CASK: variants seen among roughly 807,000 people sequenced by gnomAD.
The protein encoded by CASK is calcium/calmodulin dependent serine protein kinase, also known as peripheral plasma membrane protein CASK.
A neutral mutation model predicts 82.9 loss-of-function variants in CASK; 4 were observed. That is an observed-to-expected ratio of 0.05 (90% CI 0.02 to 0.11). CASK has a LOEUF of 0.11. Ranked by LOEUF, CASK falls within the 10% of genes least tolerant of loss-of-function variation. The pLI is 1.00. For missense variants in CASK, 358 were observed against 720.9 expected, an observed-to-expected ratio of 0.50 and a Z score of 5.76; for synonymous variants, 259 against 253.5, an observed-to-expected ratio of 1.02 and a Z score of -0.20.
At chrX:41,911,786 G>A (rs2072572215) in intron 1 of CASK, among the ~76,000 whole-genome samples, 2 of 111,427 alleles carry the variant, frequency 1.8e-5, no homozygotes, top group East Asian at 2.8e-4. Context: ...ACAACACTAC[G>A]GAATTATAAT....
At chrX:41,538,779 G>A (rs1238901702) in intron 22 of CASK, among the ~76,000 whole-genome samples, 1 of 111,755 alleles carries the variant, frequency 8.9e-6, no homozygotes, top group Non-Finnish European at 1.9e-5. Context: ...ACACTATCAA[G>A]ATCTTCAAAT....
rs755880981 is a variant in CASK at position 41,754,948 on chromosome X, G to A, written c.279-9347C>T. On this transcript the variant is annotated intron_variant, in intron 3 of 26. Transcript: ENST00000378163. Reference sequence around the variant, plus strand: ...GGCAGGAGTGCAGTGGTGCCATCTCGGCTCACTGCAACCTCCACCTCCCGC... The same window carrying A: ...GGCAGGAGTGCAGTGGTGCCATCTCAGCTCACTGCAACCTCCACCTCCCGC... Among the ~76,000 whole-genome samples the A allele has an allele frequency of 3.9e-5, 4 of 101,605 alleles. No individual in the cohort carries two copies. In the Admixed American group the frequency reaches 4.4e-4, roughly 11 times the overall value. The allele number at this position is 101,605 out of a possible 115,157, so 88.2% of individuals were successfully genotyped here.
intron 5 of CASK, among the ~76,000 whole-genome samples, chrX:41,680,924 A>AAAT (rs1569392599): frequency 4.5e-5 from 5 of 111,166 alleles, no homozygotes; most frequent in Non-Finnish European, 9.4e-5. Context: ...TCAAAAAAAA[A>AAAT]AAATAAATAA....
At chrX:41,545,284 C>A (rs1278771796) in intron 21 of CASK, among the ~76,000 whole-genome samples, 1 of 112,376 alleles carries the variant, frequency 8.9e-6, no homozygotes, top group East Asian at 2.8e-4. Context: ...GCCTTGGTCT[C>A]CCAAAATGCT....
intron 2 of CASK, among the ~76,000 whole-genome samples, chrX:41,790,571 T>TG (rs982073109): frequency 2.7e-5 from 3 of 111,722 alleles, no homozygotes; most frequent in African/African-American, 6.5e-5. Context: ...GCAGAATTGC[T>TG]GGGGGGCCAG....
intron 1 of CASK, among the ~76,000 whole-genome samples, chrX:41,858,549 A>T (rs1487654631): frequency 9.0e-6 from 1 of 111,257 alleles, no homozygotes; most frequent in Non-Finnish European, 1.9e-5. Flanking sequence ...CCTATCCTGC[A>T]CTACAGCGGA....
chrX:41,877,616 T>A (rs1430330892), intron 1 of CASK, among the ~76,000 whole-genome samples: 11 of 111,892 alleles, frequency 9.8e-5, no homozygotes, highest in Non-Finnish European at 1.9e-4. Context: ...CATTACCCTG[T>A]GGTACTGGAA....
At position 41,923,494 on chromosome X, in the gene CASK, C is replaced by A. The variant is rs1207708489; in HGVS notation, c.-506G>T. 1 of 111,076 alleles carries A rather than the reference C, an allele frequency of 9.0e-6. No individual in the cohort carries two copies. The highest frequency in any genetic ancestry group is 1.9e-5 in the Non-Finnish European group (1 of 52,599). The allele number at this position is 111,076 out of a possible 1,213,427, so 9.2% of individuals were successfully genotyped here. On this transcript the variant is annotated 5_prime_UTR_variant, in exon 1 of 27. Transcript: ENST00000378163. ...ATCGGCGCTGGGGACCAGGAGGCGGCGGCAGAGACGCTCCCTCCTCTTTCT... is the reference window on the plus strand; with the variant it reads ...ATCGGCGCTGGGGACCAGGAGGCGGAGGCAGAGACGCTCCCTCCTCTTTCT...
At chrX:41,660,799 A>G (rs1341708650) in intron 7 of CASK, among the ~76,000 whole-genome samples, 3 of 112,348 alleles carry the variant, frequency 2.7e-5, no homozygotes, top group Non-Finnish European at 3.7e-5. Context: ...TATGTAAGTG[A>G]TAATATTTTC....
chrX:41,824,851 T>A (rs2070625612), intron 2 of CASK, among the ~76,000 whole-genome samples: 1 of 111,825 alleles, frequency 8.9e-6, no homozygotes, highest in African/African-American at 3.3e-5. Context: ...CCTTGAGCAT[T>A]CTATCTCAGC....
intron 1 of CASK, among the ~76,000 whole-genome samples, chrX:41,899,026 GTAT>G (rs2072320906): frequency 9.0e-6 from 1 of 111,492 alleles, no homozygotes; most frequent in East Asian, 2.8e-4. Context: ...AAATCTGCTA[GTAT>G]TATTGTATTG....
chrX:41,674,384 A>G (rs934051595), intron 5 of CASK, among the ~76,000 whole-genome samples: 1 of 111,597 alleles, frequency 9.0e-6, no homozygotes, highest in Non-Finnish European at 1.9e-5. Flanking sequence ...AAGGATCAAA[A>G]TTGAAGGCAG....
chrX:41,784,621 T>C (rs2069544564), intron 3 of CASK, among the ~76,000 whole-genome samples: 1 of 112,076 alleles, frequency 8.9e-6, no homozygotes, highest in Admixed American at 9.4e-5. Context: ...CTCATGCCTG[T>C]AATCCCAGCA....
At chrX:41,640,210 CT>C (rs371686354) in intron 8 of CASK, among the ~76,000 whole-genome samples, 22 of 104,080 alleles carry the variant, frequency 2.1e-4, no homozygotes, top group Admixed American at 3.1e-4. Flanking sequence ...TTCCATTGTT[CT>C]TTTTTTTTTT....
chrX:41,722,572 G>A (rs958846603), intron 5 of CASK, among the ~76,000 whole-genome samples: 1 of 112,218 alleles, frequency 8.9e-6, no homozygotes, highest in African/African-American at 3.2e-5. Flanking sequence ...TGGATGTAAG[G>A]CACATAGCGA....
intron 2 of CASK, among the ~76,000 whole-genome samples, chrX:41,848,103 C>T (rs2071194130): frequency 8.9e-6 from 1 of 112,374 alleles, no homozygotes; most frequent in African/African-American, 3.2e-5. Flanking sequence ...TTTGTTTGCC[C>T]AGCTGTTATC....
intron 1 of CASK, among the ~76,000 whole-genome samples, chrX:41,868,761 C>A (rs954387759): frequency 5.4e-5 from 6 of 111,355 alleles, no homozygotes; most frequent in African/African-American, 2.0e-4. Context: ...GGGTTCTCAG[C>A]AGTACAGGAA....
intron 22 of CASK, among the ~76,000 whole-genome samples, chrX:41,537,818 T>TTTTTTATTATTA (rs764482136): frequency 1.0e-5 from 1 of 95,384 alleles, no homozygotes; most frequent in Non-Finnish European, 2.1e-5. Context: ...GCCTATTACT[T>TTTTTTATTATTA]TTATTATTAT....
chrX:41,736,096 G>A (rs2068491010), intron 5 of CASK, among the ~76,000 whole-genome samples: 1 of 111,953 alleles, frequency 8.9e-6, no homozygotes, highest in Non-Finnish European at 1.9e-5. Context: ...TCTTTTGGAT[G>A]AATGTCTTAA....
Sources: allele counts gnomAD v4.1 joint callset (sites outside exome capture counted in the v4.1 genomes callset), GRCh38; gene constraint gnomAD v4.1.1; transcripts MANE v1.5; gene names NCBI Gene and HGNC (gene_info 2026-07-23, HGNC 2026-07-21).